The following ZXDC variants were observed in gnomAD, a reference collection of about 807,000 sequenced individuals.
ZXDC encodes ZXD family zinc finger C.
Under a neutral mutation model 63.6 loss-of-function variants are expected in ZXDC, and 58 were observed. That is an observed-to-expected ratio of 0.91 (90% CI 0.74 to 1.13). The LOEUF is 1.13. Ranked by LOEUF, ZXDC falls within the 50% of genes most tolerant of loss-of-function variation. The pLI, the probability that ZXDC is intolerant of heterozygous loss-of-function variation, is 0.00. For missense variants in ZXDC, 1,133 were observed against 1,148.9 expected, an observed-to-expected ratio of 0.99 and a Z score of 0.20; for synonymous variants, 561 against 496.1, an observed-to-expected ratio of 1.13 and a Z score of -1.74.
chr3:126,454,692 T>A, intron 7 of ZXDC: 1 of 985,448 alleles, frequency 1.0e-6, no homozygotes. Flanking sequence ...TCTCCTCTGA[T>A]AAGCACCACA....
intron 5 of ZXDC, among the ~76,000 whole-genome samples, chr3:126,465,255 A>T (rs1304637109): frequency 1.3e-5 from 2 of 152,248 alleles, no homozygotes; most frequent in Admixed American, 6.5e-5. Context: ...AATAGGGCAC[A>T]TGGGTGTGCT....
At chr3:126,441,534 G>T in intron 8 of ZXDC, 2 of 1,286,694 alleles carry the variant, frequency 1.6e-6, no homozygotes, top group Non-Finnish European at 2.0e-6. Flanking sequence ...GTGGATGCAC[G>T]GTCCCAGCAA....
chr3:126,438,289 T>C lies in ZXDC; in HGVS notation c.*86A>G. On this transcript the variant is annotated 3_prime_UTR_variant, in exon 10 of 10. Coordinates refer to ENST00000389709, the MANE Select transcript of ZXDC (RefSeq NM_025112.5). ...GCTGGTCTTCTGAACGGAAACCAAA[T>C]GAGGTCTCCCCAGGCTCATGTCATG... 2 of 1,157,884 alleles carry C rather than the reference T, an allele frequency of 1.7e-6. No homozygotes were observed. Among genetic ancestry groups the C allele is most frequent in the Non-Finnish European group, 2.5e-6 (2 of 787,980 alleles). 71.7% of individuals were successfully genotyped at this position (1,157,884 alleles called of 1,614,324 possible).
In ZXDC at chr3:126,438,068, G is replaced by C. The variant is rs1011909024; in HGVS notation, c.*307C>G. ...AGTCTTTTTCTTTGTAATGCAACAA[G>C]TGCTACACAGCTCAGATCCAACGGG... On this transcript the variant is annotated 3_prime_UTR_variant, in exon 10 of 10. Transcript: ENST00000389709. 2 of 439,266 alleles carry C rather than the reference G, an allele frequency of 4.6e-6. No individual in the cohort carries two copies. Among genetic ancestry groups the C allele is most frequent in the Non-Finnish European group, 4.2e-6 (1 of 240,532 alleles). The allele number at this position is 439,266 out of a possible 1,614,324, so 27.2% of individuals were successfully genotyped here. A position where few individuals can be genotyped will look rare whatever the true frequency, so the allele number is the denominator to read the frequency against.
intron 6 of ZXDC, 167 bp from the exon 7 acceptor site, chr3:126,459,904 A>G (rs1934456261): frequency 1.0e-6 from 1 of 985,360 alleles, no homozygotes; most frequent in African/African-American, 1.7e-5. Flanking sequence ...ACTTGTGGCG[A>G]GGGCCGAACA....
intron 7 of ZXDC, chr3:126,459,404 T>G: frequency 5.1e-6 from 5 of 985,464 alleles, no homozygotes; most frequent in Non-Finnish European, 6.0e-6. Flanking sequence ...TAACTGACAC[T>G]GGTGTTTGAA....
intron 6 of ZXDC, chr3:126,460,182 C>G: frequency 1.0e-6 from 1 of 968,668 alleles, no homozygotes; most frequent in East Asian, 1.1e-4. Flanking sequence ...GCTCTGGTGG[C>G]AGGGGCTATA....
intron 7 of ZXDC, among the ~76,000 whole-genome samples, chr3:126,445,872 A>G (rs1018051763): frequency 1.3e-5 from 2 of 152,144 alleles, no homozygotes; most frequent in Non-Finnish European, 1.5e-5. Flanking sequence ...AACATTTAAG[A>G]TGGCTGAAAG....
At chr3:126,459,595 A>T in intron 7 of ZXDC, 58 bp downstream of exon 7, 1 of 1,611,496 alleles carries the variant, frequency 6.2e-7, no homozygotes, top group South Asian at 1.1e-5. Context: ...TCTGCCAGTA[A>T]CAGTGACAGA....
intron 7 of ZXDC, among the ~76,000 whole-genome samples, chr3:126,448,916 C>T (rs1375164436): frequency 6.6e-6 from 1 of 152,242 alleles, no homozygotes; most frequent in Non-Finnish European, 1.5e-5. Flanking sequence ...GCGAGTCAGA[C>T]AGCAACGGCC....
chr3:126,451,247 A>G (rs186936032), intron 7 of ZXDC: 226 of 985,402 alleles, frequency 2.3e-4, no homozygotes, highest in Middle Eastern at 2.1e-3. Flanking sequence ...ATGCATGCAT[A>G]TGTGTACTAC....
chr3:126,442,166 A>G (rs1389270406), intron 7 of ZXDC: 5 of 481,842 alleles, frequency 1.0e-5, no homozygotes, highest in Non-Finnish European at 1.7e-5. Context: ...TTAAAAATGT[A>G]AAAACATCAT....
intron 8 of ZXDC, chr3:126,440,550 CT>C: frequency 1.0e-6 from 1 of 985,726 alleles, no homozygotes; most frequent in Non-Finnish European, 1.2e-6. Flanking sequence ...TCCCTACCGT[CT>C]CCCTATTGCC....
chr3:126,475,125 C>T lies in ZXDC; in HGVS notation c.741G>A (p.Lys247=). 2 of 1,610,422 alleles carry T rather than the reference C, an allele frequency of 1.2e-6. No individual in the cohort carries two copies. Among genetic ancestry groups the T allele is most frequent in the South Asian group, 1.1e-5 (1 of 90,388 alleles). ...PFGCPVGGCG[K]KFTTVYNLKA... is the part of the protein sequence containing the mutation. ...TGAGGTTATAGACCGTAGTGAACTT[C>T]TTGCCACAGCCGCCCACTGGACAGC... Residue 247 remains lysine (K), a synonymous_variant, in exon 1 of 10, where the codon AAG becomes AAA. Transcript: ENST00000389709.
chr3:126,451,544 C>T (rs1307450060), intron 7 of ZXDC: 1 of 985,316 alleles, frequency 1.0e-6, no homozygotes, highest in East Asian at 1.1e-4. Context: ...AAAAACATCA[C>T]AGAGTGTCCC....
In ZXDC at chr3:126,468,551, C is replaced by T. The variant is rs186256421; in HGVS notation, c.1271-2226G>A. ...GCCCAGTTTCTCTCCCAGCACAACA[C>T]CTAGACTTGCTGGAAGAAACAGAGC... On this transcript the variant is annotated intron_variant, in intron 4 of 9. Coordinates refer to ENST00000389709, the MANE Select transcript of ZXDC (RefSeq NM_025112.5). 5.5e-4 allele frequency among the ~76,000 whole-genome samples: 84 copies of T among 152,260 alleles called. 1 individual carries two copies. Among genetic ancestry groups the T allele is most frequent in the African/African-American group, 2.0e-3 (82 of 41,536 alleles).
intron 8 of ZXDC, 104 bp downstream of exon 8, chr3:126,441,661 G>C: frequency 1.4e-6 from 2 of 1,437,222 alleles, no homozygotes; most frequent in Non-Finnish European, 1.8e-6. Context: ...GGCAGGCAGG[G>C]GGTGCTGCGA....
Position 126,475,053 on chromosome 3 carries a change from C to T in ZXDC, c.813G>A (p.Glu271=). The T allele has an allele frequency of 6.2e-7, 1 of 1,603,458 alleles. No homozygotes were observed. The highest frequency in any genetic ancestry group is 8.5e-7 in the Non-Finnish European group (1 of 1,175,180). ...GCGTGGGGAAGCGCTCGGCGCACAC[C>T]TCGCACTTGAACAGGCTCTCCTGCT... ...GHEQESLFKC[E]VCAERFPTHA... The change falls in exon 1 of 10, where the codon GAG becomes GAA. Residue 271 remains glutamate (E), a synonymous_variant. Coordinates refer to ENST00000389709, the MANE Select transcript of ZXDC (RefSeq NM_025112.5).
In ZXDC at chr3:126,462,233, G is replaced by C; in HGVS notation, c.1442-13C>G. The C allele has an allele frequency of 6.3e-7, 1 of 1,575,314 alleles. No homozygotes were observed. The highest frequency in any genetic ancestry group is 8.6e-7 in the Non-Finnish European group (1 of 1,166,962). ...TGAGGTAAGAGATCTGAAAAAAAAA[G>C]GAATACACTCTGGTTACTTTATGAC... is the stretch of plus-strand genomic sequence containing the variant. On this transcript the variant is annotated splice_polypyrimidine_tract_variant and intron_variant, in intron 5 of 9. Coordinates refer to ENST00000389709, the MANE Select transcript of ZXDC (RefSeq NM_025112.5).
Sources: gnomAD v4.1 joint callset for allele counts (sites outside exome capture counted in the v4.1 genomes callset) on GRCh38, gnomAD v4.1.1 for gene constraint, MANE v1.5 for transcripts, NCBI Gene and HGNC (gene_info 2026-07-23, HGNC 2026-07-21) for gene names.